Variants in OPCML observed in about 807,000 individuals in gnomAD.
OPCML encodes opioid binding protein/cell adhesion molecule like, also known as opioid-binding protein/cell adhesion molecule.
A neutral mutation model predicts 37.8 loss-of-function variants in OPCML; 13 were observed. The ratio of observed to expected loss-of-function variants is 0.34; its 90% confidence interval spans 0.22 to 0.55. The LOEUF is 0.55. Among genes scored for constraint, OPCML ranks in the 20% least tolerant of loss-of-function variants. The pLI is 0.91. For missense variants in OPCML, 341 were observed against 435.6 expected, an observed-to-expected ratio of 0.78 and a Z score of 1.93; for synonymous variants, 176 against 168.8, an observed-to-expected ratio of 1.04 and a Z score of -0.33.
intron 3 of OPCML, among the ~76,000 whole-genome samples, chr11:132,617,780 A>G (rs1939130330): frequency 6.6e-6 from 1 of 152,202 alleles, no homozygotes; most frequent in African/African-American, 2.4e-5. Context: ...TTACACACAT[A>G]AAGATCACTG....
chr11:132,975,529 C>CA (rs56882175), intron 1 of OPCML, among the ~76,000 whole-genome samples: 27 of 42,782 alleles, frequency 6.3e-4, no homozygotes, highest in Non-Finnish European at 9.0e-4. Flanking sequence ...AGGTTTCAAG[C>CA]AAAAAAAAAA....
intron 1 of OPCML, among the ~76,000 whole-genome samples, chr11:133,115,423 A>T (rs917973923): frequency 1.3e-5 from 2 of 152,226 alleles, no homozygotes; most frequent in African/African-American, 4.8e-5. Context: ...CCCGGAGTAG[A>T]TTCAGTGCCT....
intron 1 of OPCML, among the ~76,000 whole-genome samples, chr11:133,273,265 C>T (rs1428614391): frequency 6.6e-6 from 1 of 152,110 alleles, no homozygotes; most frequent in African/African-American, 2.4e-5. Flanking sequence ...AGAAAATGTC[C>T]TAGGAGCAAG....
intron 2 of OPCML, among the ~76,000 whole-genome samples, chr11:132,765,910 A>G (rs1238615243): frequency 6.6e-6 from 1 of 152,172 alleles, no homozygotes; most frequent in East Asian, 1.9e-4. Flanking sequence ...AAGTGCGTCT[A>G]AAATGTTCTG....
intron 1 of OPCML, among the ~76,000 whole-genome samples, chr11:133,109,320 G>A (rs1412559424): frequency 2.0e-5 from 3 of 152,166 alleles, no homozygotes; most frequent in Admixed American, 6.5e-5. Flanking sequence ...TCCACAGCAT[G>A]GAAGAGGACT....
chr11:133,324,672 C>T (rs899228293), intron 1 of OPCML, among the ~76,000 whole-genome samples: 6 of 152,148 alleles, frequency 3.9e-5, no homozygotes, highest in African/African-American at 1.4e-4. Context: ...GGCCTTGTTC[C>T]TCTGCTATGG....
chr11:132,646,003 C>T (rs759129868), intron 3 of OPCML, among the ~76,000 whole-genome samples: 2 of 151,638 alleles, frequency 1.3e-5, no homozygotes, highest in Non-Finnish European at 2.9e-5. Context: ...TGCTGGGCAG[C>T]GGGGATTACA....
intron 4 of OPCML, among the ~76,000 whole-genome samples, chr11:132,507,620 A>G (rs1435425177): frequency 2.6e-5 from 4 of 151,882 alleles, no homozygotes; most frequent in Non-Finnish European, 5.9e-5. Flanking sequence ...ATTGCCAAAA[A>G]ATACTCACAA....
Position 133,003,833 on chromosome 11 carries a change from A to C in OPCML, c.62-60823T>G, listed in dbSNP as rs531293544. The stretch of plus-strand genomic sequence containing the variant: ...CACAATTTCTCCAAACAGCGGATAA[A>C]TGAATAATGCAGATCCTTGCCATCC... On this transcript the variant is annotated intron_variant, in intron 1 of 7. Transcript: ENST00000524381. The C allele has an allele frequency of 6.3e-5, 62 of 985,396 alleles. No individual in the cohort carries two copies. The African/African-American group carries it at 8.4e-4, about 13-fold the overall frequency. 61.0% of individuals were successfully genotyped at this position (985,396 alleles called of 1,614,324 possible).
At chr11:132,484,834 T>C (rs1284232166) in intron 4 of OPCML, among the ~76,000 whole-genome samples, 2 of 152,080 alleles carry the variant, frequency 1.3e-5, no homozygotes, top group African/African-American at 2.4e-5. Context: ...AACCAAACGC[T>C]GCATATTCTC....
rs2096014580 is a variant in OPCML, at chr11:132,436,796, C to A, written c.644-17G>T. 1 of 1,612,998 alleles carries A rather than the reference C, an allele frequency of 6.2e-7. No homozygotes were observed. The highest frequency in any genetic ancestry group is 8.5e-7 in the Non-Finnish European group (1 of 1,179,162). ...AGGGAGGATCTGTGGGAAACACACA[C>A]ACACACATGCACAGGCATGCACGCA... On this transcript the variant is annotated splice_polypyrimidine_tract_variant and intron_variant, in intron 5 of 7. Transcript: ENST00000524381.
At chr11:133,108,322 T>TA (rs1464000561) in intron 1 of OPCML, among the ~76,000 whole-genome samples, 1 of 152,182 alleles carries the variant, frequency 6.6e-6, no homozygotes, top group Non-Finnish European at 1.5e-5. Flanking sequence ...TGTATGTTGC[T>TA]AAATTATAGG....
intron 1 of OPCML, among the ~76,000 whole-genome samples, chr11:133,328,452 C>T (rs978891699): frequency 6.6e-6 from 1 of 152,126 alleles, no homozygotes; most frequent in African/African-American, 2.4e-5. Context: ...GCCACTGTGC[C>T]CAGCCTTAAA....
intron 7 of OPCML, among the ~76,000 whole-genome samples, chr11:132,429,042 T>TGGAG (rs386375308): frequency 3.5e-5 from 5 of 144,264 alleles, no homozygotes; most frequent in African/African-American, 5.7e-5. Context: ...GAGGGATGGA[T>TGGAG]GGATGGATGG....
intron 1 of OPCML, among the ~76,000 whole-genome samples, chr11:132,960,754 T>C (rs2136720920): frequency 6.6e-6 from 1 of 152,362 alleles, no homozygotes; most frequent in East Asian, 1.9e-4. Context: ...CCTTTGGCAA[T>C]GTGCGCATTT....
At chr11:132,945,075 A>T (rs985508643) in intron 1 of OPCML, among the ~76,000 whole-genome samples, 1 of 152,260 alleles carries the variant, frequency 6.6e-6, no homozygotes, top group Non-Finnish European at 1.5e-5. Context: ...GCCCACATAT[A>T]TGTGTAGGTC....
chr11:132,818,629 CATAG>C (rs71067397), intron 2 of OPCML, among the ~76,000 whole-genome samples: 54 of 39,882 alleles, frequency 1.4e-3, no homozygotes, highest in Non-Finnish European at 2.9e-3. Flanking sequence ...TAGATAAACA[CATAG>C]ATAGATATGA....
intron 2 of OPCML, among the ~76,000 whole-genome samples, chr11:132,790,051 A>C (rs1364867753): frequency 6.6e-6 from 1 of 152,238 alleles, no homozygotes; most frequent in Non-Finnish European, 1.5e-5. Context: ...AAAAAAACTA[A>C]AAATAGAACT....
intron 1 of OPCML, among the ~76,000 whole-genome samples, chr11:133,172,316 G>A (rs1391265430): frequency 6.6e-6 from 1 of 152,166 alleles, no homozygotes; most frequent in Non-Finnish European, 1.5e-5. Context: ...GTGCTGTGGT[G>A]GAAACAGTGC....
Sources: allele counts gnomAD v4.1 joint callset (sites outside exome capture counted in the v4.1 genomes callset), GRCh38; gene constraint gnomAD v4.1.1; transcripts MANE v1.5; gene names NCBI Gene and HGNC (gene_info 2026-07-23, HGNC 2026-07-21).